The following DNAH8 variants were observed in gnomAD, a reference collection of about 807,000 sequenced individuals.
The protein encoded by DNAH8 is axonemal beta dynein heavy chain 8.
DNAH8 carries 382 observed loss-of-function variants against 562.1 expected under a neutral mutation model. The observed-to-expected ratio is 0.68, with a 90% CI of 0.63 to 0.74. The LOEUF (loss-of-function observed/expected upper bound fraction) is 0.74, where lower values mean the gene tolerates loss of function less well. Ranked by LOEUF, DNAH8 falls within the 30% of genes least tolerant of loss-of-function variation. The probability of loss-of-function intolerance (pLI) is 0.00; values close to 1 mark genes in which losing one functional copy is unlikely to be tolerated. For missense variants in DNAH8, 5,203 were observed against 5,620.4 expected (o/e 0.93, Z 2.37); for synonymous variants, 1,881 against 1,919.4 (o/e 0.98, Z 0.52).
At chr6:38,742,447 C>T (rs75622737) in intron 8 of DNAH8, among the ~76,000 whole-genome samples, 28,012 of 151,566 alleles carry the variant, frequency 0.18, 3,335 homozygotes, top group Non-Finnish European at 0.27. Flanking sequence ...AACAGGCATG[C>T]CCCACCACCA....
chr6:38,798,947 C>T (rs1770537426), intron 21 of DNAH8, among the ~76,000 whole-genome samples: 2 of 152,148 alleles, frequency 1.3e-5, no homozygotes, highest in Admixed American at 6.5e-5. Flanking sequence ...ACCAGAGATG[C>T]AGCCTCCAAG....
At chr6:38,890,535 G>C (rs1281801398) in intron 57 of DNAH8, 117 bp from the exon 58 acceptor site, 3 of 736,910 alleles carry the variant, frequency 4.1e-6, no homozygotes, top group Non-Finnish European at 7.1e-6. Flanking sequence ...GATCCCTTGA[G>C]AGAAATTCTG....
intron 33 of DNAH8, among the ~76,000 whole-genome samples, chr6:38,840,360 T>G (rs1413390085): frequency 6.6e-6 from 1 of 152,260 alleles, no homozygotes; most frequent in Admixed American, 6.5e-5. Context: ...AATCATCTAT[T>G]TCCTTGAATA....
chr6:39,014,817 T>C (rs1001490976), intron 91 of DNAH8, among the ~76,000 whole-genome samples: 6 of 152,126 alleles, frequency 3.9e-5, no homozygotes, highest in Admixed American at 6.5e-5. Context: ...ATGAAAAATC[T>C]TCCGGGGCCT....
At chr6:38,892,372 A>G (rs1224464427) in intron 58 of DNAH8, among the ~76,000 whole-genome samples, 5 of 152,204 alleles carry the variant, frequency 3.3e-5, no homozygotes, top group African/African-American at 1.2e-4. Flanking sequence ...TACCATGTCC[A>G]AACAGAACTC....
At chr6:38,756,113 C>A in intron 10 of DNAH8, 34 bp downstream of exon 10, 2 of 1,331,652 alleles carry the variant, frequency 1.5e-6, no homozygotes, top group Non-Finnish European at 2.2e-6. Flanking sequence ...ACATGTCATC[C>A]TGTGAAAAAG....
rs773882347 is a variant in DNAH8 at position 38,935,655 on chromosome 6, G to T, written c.11521G>T (p.Glu3841Ter). 6.2e-7 allele frequency: 1 copy of T among 1,613,284 alleles called. No homozygotes were observed. The highest frequency in any genetic ancestry group is 1.7e-5 in the Admixed American group (1 of 59,956). The change falls in exon 77 of 93, where the codon GAA becomes TAA. Residue 3841 changes from glutamate to a stop codon, truncating the protein, a stop_gained. Transcript: ENST00000327475. LOFTEE classifies it high-confidence loss of function. The part of the protein sequence containing the change: ...DVTFNKRKMK[E>*]LEDNLLYKLS... ...TACTTTTAATAAGCGGAAGATGAAA[G>T]AACTTGAAGATAACCTCCTCTATAA...
intron 68 of DNAH8, among the ~76,000 whole-genome samples, chr6:38,916,337 A>T (rs1244087125): frequency 6.6e-6 from 1 of 152,096 alleles, no homozygotes; most frequent in Non-Finnish European, 1.5e-5. Context: ...TCATTCTTTA[A>T]ATCTGGGCCC....
At chr6:38,875,493 C>T (rs1229880725) in intron 52 of DNAH8, 98 bp from the exon 53 acceptor site, 10 of 731,620 alleles carry the variant, frequency 1.4e-5, no homozygotes, top group Admixed American at 6.4e-5. Flanking sequence ...ATCTATTTTT[C>T]TTCTCTCTTC....
chr6:38,947,998 TC>T (rs887232474), intron 80 of DNAH8, among the ~76,000 whole-genome samples: 21 of 152,326 alleles, frequency 1.4e-4, no homozygotes, highest in African/African-American at 5.1e-4. Flanking sequence ...TCTGCCCGCC[TC>T]TGCCTCCCAA....
intron 11 of DNAH8, chr6:38,762,970 T>G: frequency 2.8e-6 from 1 of 354,768 alleles, no homozygotes. Context: ...ACTGGAAGAA[T>G]CAGGATCATT....
chr6:38,973,535 T>A, intron 83 of DNAH8, 126 bp from the exon 84 acceptor site: 8 of 655,878 alleles, frequency 1.2e-5, no homozygotes, highest in South Asian at 2.5e-5. Flanking sequence ...TATTGACATA[T>A]AATTTTTAAA....
chr6:38,915,790 AC>A (rs973021962), intron 68 of DNAH8, among the ~76,000 whole-genome samples: 8 of 152,116 alleles, frequency 5.3e-5, no homozygotes, highest in Non-Finnish European at 8.8e-5. Flanking sequence ...CAAAAGGGGC[AC>A]AGCTTTGGAG....
At position 38,807,684 on chromosome 6, in the gene DNAH8, G is replaced by A. The variant is rs778467053; in HGVS notation, c.3225G>A (p.Leu1075=). 1.3e-6 allele frequency: 2 copies of A among 1,536,540 alleles called. No homozygotes were observed. Among genetic ancestry groups the A allele is most frequent in the African/African-American group, 2.8e-5 (2 of 71,852 alleles). The change falls in exon 24 of 93, where the codon CTG becomes CTA. Residue 1075 remains leucine, a synonymous_variant. Transcript: ENST00000327475. The part of the protein sequence containing the change: ...DSLQKATRLS[L]DTMKRRIFVA... ...TTCAAAAAGCTACACGGTTATCTCT[G>A]GACACAATGAAAAGAAGAATATTTG... is the stretch of plus-strand genomic sequence containing the variant.
At position 38,845,588 on chromosome 6, in the gene DNAH8, T is replaced by G; in HGVS notation, c.4860T>G (p.Ser1620=). Residue 1620 remains serine, a synonymous_variant, in exon 36 of 93, where the codon TCT becomes TCG. Coordinates refer to ENST00000327475, the MANE Select transcript of DNAH8 (RefSeq NM_001206927.2). The part of the protein sequence containing the change: ...HKDDIEDICI[S]AIKEKDIEAK... ...TTCCTTCAAAGGATATTTGCATATC[T>G]GCCATTAAGGAGAAGGATATCGAAG... 1 of 1,613,614 alleles carries G rather than the reference T, an allele frequency of 6.2e-7. No homozygotes were observed. The highest frequency in any genetic ancestry group is 2.2e-5 in the East Asian group (1 of 44,852).
intron 64 of DNAH8, 32 bp from the exon 65 acceptor site, chr6:38,909,486 T>C: frequency 6.2e-7 from 1 of 1,603,282 alleles, no homozygotes; most frequent in African/African-American, 1.3e-5. Context: ...CCCCTCTGTG[T>C]TTCTAATGTT....
At chr6:38,910,760 T>C (rs1013809305) in intron 65 of DNAH8, among the ~76,000 whole-genome samples, 8 of 152,184 alleles carry the variant, frequency 5.3e-5, no homozygotes, top group Non-Finnish European at 1.2e-4. Flanking sequence ...TAGTCACATA[T>C]ATGCCCAAGA....
At chr6:38,737,346 A>G in intron 6 of DNAH8, 90 bp downstream of exon 6, 1 of 782,014 alleles carries the variant, frequency 1.3e-6, no homozygotes, top group Non-Finnish European at 1.8e-6. Context: ...TTCTATCTTA[A>G]AAGATGTTAA....
At position 38,782,993 on chromosome 6, in the gene DNAH8, TA is replaced by T. The variant is rs746897422; in HGVS notation, c.2260-4del. The T allele has an allele frequency of 3.5e-5, 57 of 1,608,746 alleles. No individual in the cohort carries two copies. Among genetic ancestry groups the T allele is most frequent in the Non-Finnish European group, 4.6e-5 (54 of 1,178,102 alleles). ...GTCTTTTAAAGTAAATCTTTTCCCT[TA>T]AAAAAACAGAAAAACTCAGACATTT... is the stretch of plus-strand genomic sequence containing the variant. On this transcript the variant is annotated splice_polypyrimidine_tract_variant and intron_variant, in intron 16 of 92. Transcript: ENST00000327475.
Sources: gnomAD v4.1 joint callset for allele counts (sites outside exome capture counted in the v4.1 genomes callset) on GRCh38, gnomAD v4.1.1 for gene constraint, MANE v1.5 for transcripts, NCBI Gene and HGNC (gene_info 2026-07-23, HGNC 2026-07-21) for gene names.